The following CFAP97D1 variants were observed in gnomAD, a reference collection of about 807,000 sequenced individuals.
The protein encoded by CFAP97D1 is CFAP97 domain containing 1.
CFAP97D1 carries 15 observed loss-of-function variants against 20.5 expected under a neutral mutation model. That is an observed-to-expected ratio of 0.73 (90% CI 0.49 to 1.13). CFAP97D1 has a LOEUF of 1.13. Ranked by LOEUF, CFAP97D1 falls within the 50% of genes most tolerant of loss-of-function variation. The pLI is 0.00. For synonymous variants in CFAP97D1, 58 were observed against 71.2 expected, an observed-to-expected ratio of 0.82 and a Z score of 0.93; for missense variants, 168 against 202.9, an observed-to-expected ratio of 0.83 and a Z score of 1.04.
In CFAP97D1 at chr17:43,781,771, C is replaced by T; in HGVS notation, c.196-3C>T. The T allele has an allele frequency of 6.5e-7, 1 of 1,542,960 alleles. No individual in the cohort carries two copies. Among genetic ancestry groups the T allele is most frequent in the Non-Finnish European group, 8.8e-7 (1 of 1,139,106 alleles). On this transcript the variant is annotated splice_polypyrimidine_tract_variant and splice_region_variant and intron_variant, in intron 2 of 5. Transcript: ENST00000449302. ...ACCATGGTGAGGTGTGGTTTCTTAC[C>T]AGGGTGAACAAAAGAAAATCAACAA... is the stretch of plus-strand genomic sequence containing the variant.
chr17:43,780,670 G>A (rs1974462355), intron 1 of CFAP97D1, 84 bp downstream of exon 1: 3 of 1,467,484 alleles, frequency 2.0e-6, no homozygotes, highest in Non-Finnish European at 2.8e-6. Context: ...AACCAGACCA[G>A]GTCACAGCTT....
chr17:43,781,316 C>T lies in CFAP97D1; in HGVS notation c.195+127C>T, dbSNP rs1312920807. ...TACTCAAAGATTTGTTAATACTCCT[C>T]CTCCCCACGCGTCACCCCCAGTCGT... is the stretch of plus-strand genomic sequence containing the variant. On this transcript the variant is annotated intron_variant, in intron 2 of 5. Transcript: ENST00000449302. The T allele has an allele frequency of 1.2e-5, 9 of 760,058 alleles. No individual in the cohort carries two copies. The East Asian group carries it at 1.9e-4, about 16-fold the overall frequency. The allele number at this position is 760,058 out of a possible 1,614,324, so 47.1% of individuals were successfully genotyped here.
intron 1 of CFAP97D1, 81 bp from the exon 2 acceptor site, chr17:43,781,038 C>T: frequency 9.6e-7 from 1 of 1,046,324 alleles, no homozygotes; most frequent in Non-Finnish European, 1.4e-6. Flanking sequence ...TAGTCAAGGA[C>T]ATTGTCTAGT....
chr17:43,780,674 A>G, intron 1 of CFAP97D1, 88 bp downstream of exon 1: 5 of 1,449,020 alleles, frequency 3.5e-6, no homozygotes, highest in Non-Finnish European at 4.7e-6. Flanking sequence ...AGACCAGGTC[A>G]CAGCTTTGGG....
chr17:43,781,196 G>C lies in CFAP97D1; in HGVS notation c.195+7G>C, dbSNP rs1375184640. On this transcript the variant is annotated splice_region_variant and intron_variant, in intron 2 of 5. Coordinates refer to ENST00000449302, the MANE Select transcript of CFAP97D1 (RefSeq NM_001136483.3). ...AAAATTGAGCAAACTACAGGTATTT[G>C]TTCTTGCTGCTTGCAGATGTGCAGA... The C allele has an allele frequency of 6.5e-7, 1 of 1,549,064 alleles. No homozygotes were observed. The highest frequency in any genetic ancestry group is 2.0e-5 in the Admixed American group (1 of 50,976).
Position 43,781,762 on chromosome 17 carries a change from G to T in CFAP97D1, c.196-12G>T, listed in dbSNP as rs1598304548. 7 of 1,516,808 alleles carry T rather than the reference G, an allele frequency of 4.6e-6. No homozygotes were observed. In the East Asian group the frequency reaches 1.7e-4, roughly 37 times the overall value. The allele number at this position is 1,516,808 out of a possible 1,614,324, so 94.0% of individuals were successfully genotyped here. On this transcript the variant is annotated splice_polypyrimidine_tract_variant and intron_variant, in intron 2 of 5. Coordinates refer to ENST00000449302, the MANE Select transcript of CFAP97D1 (RefSeq NM_001136483.3). ...GATGGTGTCACCATGGTGAGGTGTG[G>T]TTTCTTACCAGGGTGAACAAAAGAA... is the stretch of plus-strand genomic sequence containing the variant.
At chr17:43,780,719 G>A in intron 1 of CFAP97D1, 133 bp downstream of exon 1, 1 of 957,000 alleles carries the variant, frequency 1.0e-6, no homozygotes, top group East Asian at 2.6e-5. Context: ...TTGGGGAAGA[G>A]GGCATTAGCA....
rs2044285879 is a variant in CFAP97D1 at position 43,785,445 on chromosome 17, A to G, written c.*1063A>G. On this transcript the variant is annotated 3_prime_UTR_variant, in exon 6 of 6. Transcript: ENST00000449302. The stretch of plus-strand genomic sequence containing the variant: ...AGTAATTTTTTTTTTTTTTTTTGAG[A>G]TGAAATCTCACTCTGTCGCCCAGGC... 1 of 143,112 alleles carries G rather than the reference A, an allele frequency of 7.0e-6. No homozygotes were observed. The highest frequency in any genetic ancestry group is 7.0e-5 in the Admixed American group (1 of 14,338). 8.9% of individuals were successfully genotyped at this position (143,112 alleles called of 1,614,324 possible). A position where few individuals can be genotyped will look rare whatever the true frequency, so the allele number is the denominator to read the frequency against.
At chr17:43,782,138 C>T (rs892822762) in intron 3 of CFAP97D1, among the ~76,000 whole-genome samples, 5 of 152,140 alleles carry the variant, frequency 3.3e-5, no homozygotes, top group Admixed American at 1.3e-4. Flanking sequence ...GAATGCACTG[C>T]GCACTTTTAT....
rs571483985 is a variant in CFAP97D1, at chr17:43,783,971, G to A, written c.*78G>A. On this transcript the variant is annotated intron_variant, in intron 5 of 5. Transcript: ENST00000449302. ...GAGAACCCCATAAATGGCGAATGAG[G>A]GGCCCAGTTAAGGAGACGGATTTTG... 216 of 1,149,018 alleles carry A rather than the reference G, an allele frequency of 1.9e-4. 4 individuals are homozygous for A. The South Asian group carries it at 2.9e-3, about 15-fold the overall frequency. The allele number at this position is 1,149,018 out of a possible 1,614,324, so 71.2% of individuals were successfully genotyped here. A position where few individuals can be genotyped will look rare whatever the true frequency, so the allele number is the denominator to read the frequency against.
rs765294194 is a variant in CFAP97D1, at chr17:43,783,178, A to G, written c.315-2A>G. 2 of 1,551,490 alleles carry G rather than the reference A, an allele frequency of 1.3e-6. No homozygotes were observed. The highest frequency in any genetic ancestry group is 2.4e-5 in the South Asian group (2 of 84,046). On this transcript the variant is annotated splice_acceptor_variant, in intron 3 of 5. Coordinates refer to ENST00000449302, the MANE Select transcript of CFAP97D1 (RefSeq NM_001136483.3). LOFTEE classifies it high-confidence loss of function. ...CCCATTTCGGGGTTTTGTGTTTTTC[A>G]GCTTAAACAGAGAAACAAGGAACCG...
At chr17:43,781,728 C>T (rs1351262092) in intron 2 of CFAP97D1, 46 bp from the exon 3 acceptor site, 1 of 1,192,442 alleles carries the variant, frequency 8.4e-7, no homozygotes. Flanking sequence ...TGTGTTGGGG[C>T]AGTGCACTGA....
chr17:43,782,960 A>G, intron 3 of CFAP97D1: 2 of 557,170 alleles, frequency 3.6e-6, no homozygotes, highest in Non-Finnish European at 6.4e-6. Context: ...CTCATGGGCA[A>G]CAGGGTTGAG....
At position 43,780,458 on chromosome 17, in the gene CFAP97D1, A is replaced by G. The variant is rs755136313; in HGVS notation, c.-5A>G. On this transcript the variant is annotated 5_prime_UTR_variant, in exon 1 of 6. Transcript: ENST00000449302. The stretch of plus-strand genomic sequence containing the variant: ...TCATTTCTGAAGTGAGACTAGGAAG[A>G]GAAGATGAACAATTCCCTGGATTAT... 9.7e-6 allele frequency: 15 copies of G among 1,551,730 alleles called. No homozygotes were observed. Among genetic ancestry groups the G allele is most frequent in the South Asian group, 4.8e-5 (4 of 84,064 alleles).
rs994585980 is a variant in CFAP97D1 at position 43,787,311 on chromosome 17, G to A, written c.*2929G>A. 2 of 152,114 alleles carry A rather than the reference G, an allele frequency of 1.3e-5. No homozygotes were observed. The highest frequency in any genetic ancestry group is 4.8e-5 in the African/African-American group (2 of 41,420). 9.4% of individuals were successfully genotyped at this position (152,114 alleles called of 1,614,324 possible). A position where few individuals can be genotyped will look rare whatever the true frequency, so the allele number is the denominator to read the frequency against. ...TTTTGAAAGTTATTTACATATTATA[G>A]GAATAAGTCCTTTGCCTGCTATGCG... On this transcript the variant is annotated 3_prime_UTR_variant, in exon 6 of 6. Coordinates refer to ENST00000449302, the MANE Select transcript of CFAP97D1 (RefSeq NM_001136483.3).
intron 2 of CFAP97D1, 39 bp from the exon 3 acceptor site, chr17:43,781,735 C>G: frequency 2.3e-6 from 3 of 1,312,904 alleles, no homozygotes; most frequent in Non-Finnish European, 3.2e-6. Context: ...GGGCAGTGCA[C>G]TGATGGTGTC....
Position 43,786,667 on chromosome 17 carries a change from TTGCCAC to T in CFAP97D1, c.*2286_*2291del. 6.6e-6 allele frequency: 1 copy of T among 152,210 alleles called. No individual in the cohort carries two copies. The highest frequency in any genetic ancestry group is 1.5e-5 in the Non-Finnish European group (1 of 68,040). The allele number at this position is 152,210 out of a possible 1,614,324, so 9.4% of individuals were successfully genotyped here. ...CCACTATTATCAAAAGACACTCTTATTGCCACCCTTTTAGCCACAGTCACCTCAGAC... is the reference window on the plus strand; with the variant it reads ...CCACTATTATCAAAAGACACTCTTATCCTTTTAGCCACAGTCACCTCAGAC... On this transcript the variant is annotated 3_prime_UTR_variant, in exon 6 of 6. Coordinates refer to ENST00000449302, the MANE Select transcript of CFAP97D1 (RefSeq NM_001136483.3).
intron 4 of CFAP97D1, 130 bp downstream of exon 4, chr17:43,783,433 A>G: frequency 8.0e-7 from 1 of 1,257,208 alleles, no homozygotes; most frequent in Non-Finnish European, 1.1e-6. Context: ...CGTTAAAAGA[A>G]AAACCATCCA....
In CFAP97D1 at chr17:43,781,200, T is replaced by C; in HGVS notation, c.195+11T>C. Reference sequence around the variant, plus strand: ...TTGAGCAAACTACAGGTATTTGTTCTTGCTGCTTGCAGATGTGCAGATGTA... The same window carrying C: ...TTGAGCAAACTACAGGTATTTGTTCCTGCTGCTTGCAGATGTGCAGATGTA... On this transcript the variant is annotated intron_variant, in intron 2 of 5. Transcript: ENST00000449302. 1 of 1,547,430 alleles carries C rather than the reference T, an allele frequency of 6.5e-7. No homozygotes were observed. The highest frequency in any genetic ancestry group is 8.7e-7 in the Non-Finnish European group (1 of 1,143,324).
Sources: gnomAD v4.1 joint callset for allele counts (sites outside exome capture counted in the v4.1 genomes callset) on GRCh38, gnomAD v4.1.1 for gene constraint, MANE v1.5 for transcripts, NCBI Gene and HGNC (gene_info 2026-07-23, HGNC 2026-07-21) for gene names.